The following ACBD3 variants were observed in gnomAD, a reference collection of about 807,000 sequenced individuals.
ACBD3 encodes the protein acyl-CoA binding domain containing 3, also known as Golgi resident protein GCP60.
ACBD3 carries 30 observed loss-of-function variants against 66.9 expected under a neutral mutation model. The observed-to-expected ratio is 0.45, with a 90% CI of 0.34 to 0.61. ACBD3 has a LOEUF of 0.61. Among genes scored for constraint, ACBD3 ranks in the 20% least tolerant of loss-of-function variants. ACBD3 has a pLI of 0.02. For missense variants in ACBD3, 544 were observed against 664.5 expected (o/e 0.82, Z 1.99); for synonymous variants, 278 against 259.8 (o/e 1.07, Z -0.68).
intron 1 of ACBD3, among the ~76,000 whole-genome samples, chr1:226,181,897 T>G (rs1019862751): frequency 2.0e-5 from 3 of 152,080 alleles, no homozygotes; most frequent in Admixed American, 2.0e-4. Context: ...CCTTAACCCA[T>G]GGAGATAAGA....
chr1:226,149,529 CTTTTTTTTTTT>C (rs1170130229), intron 7 of ACBD3, among the ~76,000 whole-genome samples: 27 of 29,610 alleles, frequency 9.1e-4, no homozygotes, highest in South Asian at 3.9e-3. Context: ...GCCCAGCCAT[CTTTTTTTTTTT>C]TTTTTTTTTT....
rs1044089049 is a variant in ACBD3, at chr1:226,146,422, T to C, written c.*188A>G. 5.1e-6 allele frequency: 3 copies of C among 587,704 alleles called. No individual in the cohort carries two copies. The highest frequency in any genetic ancestry group is 9.0e-6 in the Non-Finnish European group (3 of 335,014). The allele number at this position is 587,704 out of a possible 1,614,324, so 36.4% of individuals were successfully genotyped here. ...GCTGGATGAGTCTGAGGAATCTCCT[T>C]TAACCCCAAAGTATGAATGCTAAAG... is the stretch of plus-strand genomic sequence containing the variant. On this transcript the variant is annotated 3_prime_UTR_variant, in exon 8 of 8. Transcript: ENST00000366812.
chr1:226,152,727 T>C (rs1659602192), intron 6 of ACBD3, 108 bp from the exon 7 acceptor site: 8 of 1,081,948 alleles, frequency 7.4e-6, no homozygotes, highest in Non-Finnish European at 1.1e-5. Context: ...CCAAGTACAA[T>C]ATGGTCTAGC....
At chr1:226,160,249 G>T (rs182455664) in intron 4 of ACBD3, among the ~76,000 whole-genome samples, 1 of 151,884 alleles carries the variant, frequency 6.6e-6, no homozygotes, top group African/African-American at 2.4e-5. Flanking sequence ...CTGCTACCAC[G>T]CCTGGCTAAT....
chr1:226,183,776 C>A (rs1576243896), intron 1 of ACBD3, among the ~76,000 whole-genome samples: 1 of 151,002 alleles, frequency 6.6e-6, no homozygotes, highest in South Asian at 2.1e-4. Context: ...CTCAGCTACT[C>A]GGGAGGCAGA....
At chr1:226,160,632 T>C (rs1029659383) in intron 4 of ACBD3, among the ~76,000 whole-genome samples, 3 of 152,204 alleles carry the variant, frequency 2.0e-5, no homozygotes, top group Non-Finnish European at 4.4e-5. Context: ...CCAGAAATAA[T>C]GAGAAGAAAT....
At chr1:226,156,278 T>C (rs754765535) in intron 5 of ACBD3, among the ~76,000 whole-genome samples, 7 of 152,246 alleles carry the variant, frequency 4.6e-5, no homozygotes, top group Non-Finnish European at 1.0e-4. Context: ...ATAGTATACA[T>C]TCTTTTTTAT....
chr1:226,172,243 A>G (rs974395275), intron 1 of ACBD3, among the ~76,000 whole-genome samples: 3 of 151,658 alleles, frequency 2.0e-5, no homozygotes, highest in Non-Finnish European at 4.4e-5. Flanking sequence ...TCAGTGCTTA[A>G]GCCTACGTTT....
chr1:226,186,607 CG>C lies in ACBD3; in HGVS notation c.68del (p.Pro23ArgfsTer88). 1 of 1,451,642 alleles carries C rather than the reference CG, an allele frequency of 6.9e-7. No homozygotes were observed. Among genetic ancestry groups the C allele is most frequent in the Non-Finnish European group, 9.0e-7 (1 of 1,105,028 alleles). 89.9% of individuals were successfully genotyped at this position (1,451,642 alleles called of 1,614,324 possible). ...SVDGLTLSPD[P>X]EERPGAEGAP... Reference sequence around the variant, plus strand: ...CGCCCTCCGCCCCAGGCCGCTCCTCCGGGTCCGGGCTGAGCGTGAGGCCGTC... The same window carrying C: ...CGCCCTCCGCCCCAGGCCGCTCCTCCGGTCCGGGCTGAGCGTGAGGCCGTC... On this transcript the variant is annotated frameshift_variant, in exon 1 of 8. Transcript: ENST00000366812. LOFTEE classifies it high-confidence loss of function.
intron 1 of ACBD3, among the ~76,000 whole-genome samples, chr1:226,184,057 G>A (rs1006569267): frequency 2.6e-5 from 4 of 152,000 alleles, no homozygotes; most frequent in Non-Finnish European, 5.9e-5. Context: ...CGGGCGTGGT[G>A]GTGGGCACCT....
chr1:226,184,369 T>C (rs1401775691), intron 1 of ACBD3, among the ~76,000 whole-genome samples: 1 of 152,230 alleles, frequency 6.6e-6, no homozygotes, highest in Non-Finnish European at 1.5e-5. Context: ...TCCTTTTTAG[T>C]ACCTGGATAT....
At chr1:226,161,403 C>A (rs1300173979) in intron 4 of ACBD3, 128 bp downstream of exon 4, 34 of 1,320,688 alleles carry the variant, frequency 2.6e-5, no homozygotes, top group Non-Finnish European at 2.9e-5. Context: ...GGTGATCTGC[C>A]CGCCTCCGCC....
chr1:226,154,274 CAT>C (rs1659629295), intron 6 of ACBD3, among the ~76,000 whole-genome samples: 1 of 151,820 alleles, frequency 6.6e-6, no homozygotes, highest in Non-Finnish European at 1.5e-5. Context: ...CAGGCGGAAT[CAT>C]AGTTCACTGC....
rs757062523 is a variant in ACBD3 at position 226,152,599 on chromosome 1, C to CTGCTAT, written c.1105_1110dup (p.Ile369_Ala370dup). The stretch of plus-strand genomic sequence containing the variant: ...TGAGGTCGTGTCCACATGGATGGAG[C>CTGCTAT]TGCTATTACTGGAAGAGATTCTAAA... On this transcript the variant is annotated inframe_insertion, in exon 7 of 8. Coordinates refer to ENST00000366812, the MANE Select transcript of ACBD3 (RefSeq NM_022735.4). 72 of 1,613,820 alleles carry CTGCTAT rather than the reference C, an allele frequency of 4.5e-5. No individual in the cohort carries two copies. Among genetic ancestry groups the CTGCTAT allele is most frequent in the South Asian group, 4.1e-4 (37 of 91,078 alleles).
At chr1:226,155,773 G>A (rs947334078) in intron 5 of ACBD3, among the ~76,000 whole-genome samples, 4 of 152,170 alleles carry the variant, frequency 2.6e-5, no homozygotes, top group Admixed American at 2.6e-4. Context: ...GTAAAATGCT[G>A]ACCTAAGAAT....
Position 226,161,549 on chromosome 1 carries a change from A to T in ACBD3, c.710T>A (p.Leu237His). 6.2e-7 allele frequency: 1 copy of T among 1,613,542 alleles called. No individual in the cohort carries two copies. Among genetic ancestry groups the T allele is most frequent in the Non-Finnish European group, 8.5e-7 (1 of 1,179,930 alleles). ...EERRRIEEER[L>H]RLEQQKQQIM... ...AACTTACTTTTGCTGCTCCAACCGA[A>T]GCCTTTCTTCTTCTATCCGTCTCCT... Residue 237 changes from leucine (L) to histidine (H), a missense_variant, in exon 4 of 8, where the codon CTT becomes CAT. Leu to His is a moderately conservative substitution (Grantham distance 99). Coordinates refer to ENST00000366812, the MANE Select transcript of ACBD3 (RefSeq NM_022735.4).
intron 5 of ACBD3, among the ~76,000 whole-genome samples, chr1:226,157,973 T>C (rs561856881): frequency 6.6e-6 from 1 of 152,164 alleles, no homozygotes; most frequent in African/African-American, 2.4e-5. Context: ...TCACTGCCTA[T>C]CAAAGAAGCA....
At chr1:226,177,305 C>T (rs944237285) in intron 1 of ACBD3, among the ~76,000 whole-genome samples, 2 of 151,176 alleles carry the variant, frequency 1.3e-5, no homozygotes, top group African/African-American at 4.9e-5. Flanking sequence ...TTACGCCATT[C>T]TCCTGCCTCA....
In ACBD3 at chr1:226,154,114, CA is replaced by C. The variant is rs137961576; in HGVS notation, c.1090+532del. On this transcript the variant is annotated intron_variant, in intron 6 of 7. Transcript: ENST00000366812. ...CTCATGAGGGAGCCTAAGTCAGAGC[CA>C]TTCAGCTAAACTGCTCCTGAAACCC... 5.3e-5 allele frequency among the ~76,000 whole-genome samples: 8 copies of C among 152,306 alleles called. No individual in the cohort carries two copies. In the East Asian group the frequency reaches 1.5e-3, roughly 29 times the overall value.
Sources: gnomAD v4.1 joint callset for allele counts (sites outside exome capture counted in the v4.1 genomes callset) on GRCh38, gnomAD v4.1.1 for gene constraint, MANE v1.5 for transcripts, NCBI Gene and HGNC (gene_info 2026-07-23, HGNC 2026-07-21) for gene names.